The following STXBP4 variants were observed in gnomAD, a reference collection of about 807,000 sequenced individuals.
STXBP4 encodes syntaxin binding protein 4.
STXBP4 carries 55 observed loss-of-function variants against 76.1 expected under a neutral mutation model. The observed-to-expected ratio is 0.72, with a 90% CI of 0.58 to 0.91. The LOEUF is 0.91. STXBP4 is among the 40% of genes least tolerant of loss of function. The pLI, the probability that STXBP4 is intolerant of heterozygous loss-of-function variation, is 0.00. For missense variants in STXBP4, 618 were observed against 636.9 expected (o/e 0.97, Z 0.32); for synonymous variants, 201 against 220.2 (o/e 0.91, Z 0.77).
chr17:55,096,701 A>G (rs2079491042), intron 16 of STXBP4, among the ~76,000 whole-genome samples: 1 of 151,656 alleles, frequency 6.6e-6, no homozygotes, highest in African/African-American at 2.4e-5. Flanking sequence ...CATCATGGAG[A>G]TCTCACAGTA....
chr17:54,975,407 T>G (rs2077458664), intron 1 of STXBP4, among the ~76,000 whole-genome samples: 1 of 152,178 alleles, frequency 6.6e-6, no homozygotes, highest in African/African-American at 2.4e-5. Context: ...TAAATAGATA[T>G]AAATATAGAT....
chr17:55,092,601 G>T (rs1432610408), intron 16 of STXBP4, among the ~76,000 whole-genome samples: 1 of 152,144 alleles, frequency 6.6e-6, no homozygotes, highest in African/African-American at 2.4e-5. Flanking sequence ...GCATGTATTT[G>T]TCTGTGCAAG....
intron 3 of STXBP4, among the ~76,000 whole-genome samples, chr17:54,987,419 A>C (rs1273536760): frequency 6.6e-6 from 1 of 152,212 alleles, no homozygotes; most frequent in African/African-American, 2.4e-5. Context: ...CTTAAGTAAA[A>C]GGTGTCATGT....
intron 4 of STXBP4, among the ~76,000 whole-genome samples, chr17:54,995,477 A>G (rs753549493): frequency 8.5e-5 from 13 of 152,214 alleles, no homozygotes; most frequent in Non-Finnish European, 1.6e-4. Context: ...TAAGCTATGC[A>G]TGCACACACA....
chr17:55,029,598 CTACTA>C (rs890312168), intron 8 of STXBP4, among the ~76,000 whole-genome samples: 5 of 150,906 alleles, frequency 3.3e-5, no homozygotes, highest in African/African-American at 1.2e-4. Context: ...AAATACTTGA[CTACTA>C]TACGAGATAA....
intron 8 of STXBP4, among the ~76,000 whole-genome samples, chr17:55,014,159 G>T (rs1361624304): frequency 2.6e-5 from 4 of 152,094 alleles, no homozygotes; most frequent in Admixed American, 2.6e-4. Flanking sequence ...TTGGGCCTTG[G>T]TTCTAAGTGG....
At chr17:55,173,905 C>T (rs1013982750), downstream of STXBP4, among the ~76,000 whole-genome samples, 4 of 152,188 alleles carry the variant, frequency 2.6e-5, no homozygotes, top group Admixed American at 2.0e-4. Flanking sequence ...GGTCATAGAA[C>T]TTGCCTTTTG....
At chr17:55,030,972 A>G in intron 8 of STXBP4, 196 bp from the exon 9 acceptor site, 1 of 469,696 alleles carries the variant, frequency 2.1e-6, no homozygotes, top group Non-Finnish European at 3.9e-6. Context: ...TGGGGAAAAA[A>G]TGAGGTAGTA....
At chr17:54,993,583 GA>G (rs2077752428) in intron 4 of STXBP4, among the ~76,000 whole-genome samples, 1 of 152,114 alleles carries the variant, frequency 6.6e-6, no homozygotes, top group South Asian at 2.1e-4. Context: ...ATACAAAATT[GA>G]TATAACTTTA....
At chr17:55,203,277 A>G in the STXBP4 span, among the ~76,000 whole-genome samples, 8 of 152,160 alleles carry the variant, frequency 5.3e-5, no homozygotes, top group African/African-American at 1.9e-4. Flanking sequence ...ACTCGAATAG[A>G]ATCTTATGTT....
chr17:55,188,037 C>A, the STXBP4 span, among the ~76,000 whole-genome samples: 1 of 152,136 alleles, frequency 6.6e-6, no homozygotes, highest in Admixed American at 6.5e-5. Flanking sequence ...GAGGAAACTG[C>A]ACCTTAGAGA....
the STXBP4 span, among the ~76,000 whole-genome samples, chr17:55,184,233 G>A: frequency 6.6e-6 from 1 of 151,418 alleles, no homozygotes; most frequent in Non-Finnish European, 1.5e-5. Flanking sequence ...GGTTGTAGAG[G>A]GCAAGTTTGT....
intron 16 of STXBP4, among the ~76,000 whole-genome samples, chr17:55,131,431 C>T (rs1391128049): frequency 6.6e-6 from 1 of 152,222 alleles, no homozygotes; most frequent in African/African-American, 2.4e-5. Flanking sequence ...ACTAATTTCT[C>T]TGTCAGTTTT....
rs916419650 is a variant in STXBP4 at position 55,033,207 on chromosome 17, C to T, written c.764-961C>T. ...TGGCCAATATGGTGAAACCCCGTCTCTATTAAAAATACAAAAATCAGCTGG... is the reference window on the plus strand; with the variant it reads ...TGGCCAATATGGTGAAACCCCGTCTTTATTAAAAATACAAAAATCAGCTGG... On this transcript the variant is annotated intron_variant, in intron 9 of 17. Coordinates refer to ENST00000376352, the MANE Select transcript of STXBP4 (RefSeq NM_178509.6). 2.0e-5 allele frequency among the ~76,000 whole-genome samples: 3 copies of T among 151,926 alleles called. No individual in the cohort carries two copies. In the East Asian group the frequency reaches 5.8e-4, roughly 29 times the overall value.
chr17:55,147,184 G>T (rs1598350146), intron 17 of STXBP4, among the ~76,000 whole-genome samples: 3 of 152,128 alleles, frequency 2.0e-5, no homozygotes. Context: ...AACCTTTTTG[G>T]CACGAGGAAC....
chr17:55,108,474 C>G (rs1009232386), intron 16 of STXBP4, among the ~76,000 whole-genome samples: 12 of 152,294 alleles, frequency 7.9e-5, no homozygotes, highest in African/African-American at 1.9e-4. Context: ...ACTCCTGCAA[C>G]TAGCTCAGTG....
At chr17:55,122,189 G>A (rs1158083495) in intron 16 of STXBP4, among the ~76,000 whole-genome samples, 2 of 152,074 alleles carry the variant, frequency 1.3e-5, no homozygotes, top group African/African-American at 2.4e-5. Flanking sequence ...GTTGTTAAAC[G>A]TTTATTATGC....
chr17:55,086,816 T>G (rs1567755449), intron 16 of STXBP4, among the ~76,000 whole-genome samples: 2 of 152,174 alleles, frequency 1.3e-5, no homozygotes, highest in Admixed American at 1.3e-4. Context: ...TGTAGTTCTA[T>G]TTTTGTTTTT....
chr17:55,130,751 G>A (rs968025633), intron 16 of STXBP4, among the ~76,000 whole-genome samples: 6 of 152,084 alleles, frequency 3.9e-5, no homozygotes, highest in African/African-American at 9.7e-5. Flanking sequence ...TAGGTTTCAC[G>A]TATAAGTAGA....
Sources: gnomAD v4.1 joint callset for allele counts (sites outside exome capture counted in the v4.1 genomes callset) on GRCh38, gnomAD v4.1.1 for gene constraint, MANE v1.5 for transcripts, NCBI Gene and HGNC (gene_info 2026-07-23, HGNC 2026-07-21) for gene names.